RIF1: variants seen among roughly 807,000 people sequenced by gnomAD.
RIF1 encodes the protein telomere-associated protein RIF1.
A neutral mutation model predicts 247.1 loss-of-function variants in RIF1; 45 were observed. That is an observed-to-expected ratio of 0.18 (90% CI 0.14 to 0.23). RIF1 has a LOEUF of 0.23. RIF1 is among the 10% of genes least tolerant of loss of function. The pLI, the probability that RIF1 is intolerant of heterozygous loss-of-function variation, is 1.00. For synonymous variants in RIF1, 1,087 were observed against 978.8 expected (o/e 1.11, Z -2.06); for missense variants, 2,967 against 2,862.5 (o/e 1.04, Z -0.83).
the RIF1 span, chr2:151,533,509 T>G: frequency 6.4e-7 from 1 of 1,551,518 alleles, no homozygotes; most frequent in South Asian, 1.2e-5. Context: ...ATTACATCCA[T>G]GTTGCAGAAA....
Position 151,443,550 on chromosome 2 carries a change from A to G in RIF1, c.1827A>G (p.Ser609=). 2 of 1,580,484 alleles carry G rather than the reference A, an allele frequency of 1.3e-6. No individual in the cohort carries two copies. The highest frequency in any genetic ancestry group is 2.3e-5 in the East Asian group (1 of 44,310). The change falls in exon 18 of 36, where the codon TCA becomes TCG. Residue 609 remains serine, a synonymous_variant. Coordinates refer to ENST00000444746, the MANE Select transcript of RIF1 (RefSeq NM_018151.5). ...SDERFFLSLE[S]LVGCVLSGPT... ...TCAGGTTCTTTCTCAGTTTGGAATC[A>G]CTTGTAGGCTGTGTTCTTTCTGGTC...
At chr2:151,488,232 C>G (rs982493374) in intron 9 of RIF1, among the ~76,000 whole-genome samples, 2 of 151,994 alleles carry the variant, frequency 1.3e-5, no homozygotes, top group Admixed American at 1.3e-4. Flanking sequence ...TGTTTTCTCC[C>G]AGTCTGACAT....
downstream of RIF1, chr2:151,512,668 A>G (rs2153270200): frequency 8.8e-7 from 1 of 1,142,260 alleles, no homozygotes; most frequent in East Asian, 2.4e-5. Flanking sequence ...GGTATTTATT[A>G]ATGGAAGGAC....
chr2:151,463,662 A>G lies in RIF1; in HGVS notation c.4142A>G (p.Asn1381Ser). The G allele has an allele frequency of 1.9e-6, 3 of 1,613,970 alleles. No homozygotes were observed. The highest frequency in any genetic ancestry group is 8.5e-7 in the Non-Finnish European group (1 of 1,179,936). ...GTAGAGGAGAAAAATGTAGAAATTA[A>G]TTTGGAATCCAAAGAGAATACACCC... ...NTVEEKNVEI[N>S]LESKENTPPV... The change falls in exon 30 of 36, where the codon AAT (asparagine) becomes AGT (serine). Residue 1381 changes from asparagine (N) to serine (S), a missense_variant. Asn to Ser is a conservative substitution (Grantham distance 46). Coordinates refer to ENST00000444746, the MANE Select transcript of RIF1 (RefSeq NM_018151.5).
At chr2:151,494,076 T>G (rs2058530355) in intron 9 of RIF1, 1 of 1,204,742 alleles carries the variant, frequency 8.3e-7, no homozygotes, top group Non-Finnish European at 1.2e-6. Context: ...TTGTTTGTTT[T>G]TAACCTGGGA....
rs1193545146 is a variant in RIF1, at chr2:151,465,965, A to G, written c.6445A>G (p.Arg2149Gly). 4.3e-6 allele frequency: 7 copies of G among 1,614,042 alleles called. No individual in the cohort carries two copies. The highest frequency in any genetic ancestry group is 5.9e-6 in the Non-Finnish European group (7 of 1,179,986). ...EDNNASPQKL[R>G]ELDPSLVSAN... Reference sequence around the variant, plus strand: ...CAATAATGCATCTCCTCAAAAACTAAGGGAACTTGATCCTTCACTTGTGTC... The same window carrying G: ...CAATAATGCATCTCCTCAAAAACTAGGGGAACTTGATCCTTCACTTGTGTC... The change falls in exon 30 of 36, where the codon AGG becomes GGG. Residue 2149 changes from arginine (R) to glycine (G), a missense_variant. Physicochemically the swap from Arg to Gly is moderately radical, Grantham distance 125 (BLOSUM62 -2). Around this residue, in one of 7 missense-constraint regions of RIF1, gnomAD observed 2,028 missense variants for 1,825.6 expected, o/e 1.11. Transcript: ENST00000444746.
chr2:151,526,968 C>T, the RIF1 span: 1 of 1,604,752 alleles, frequency 6.2e-7, no homozygotes, highest in Non-Finnish European at 8.5e-7. Flanking sequence ...TTTTTGTCAT[C>T]AGTGACAGAA....
rs116753297 is a variant in RIF1, at chr2:151,460,226, G to A, written c.3075+107G>A. On this transcript the variant is annotated intron_variant, in intron 26 of 35. Transcript: ENST00000444746. ...AACTATAAAAGACTAAATAAAGGTT[G>A]GGATTGCAGGGGAATTGAGGGCATT... 0.022 allele frequency: 19,381 copies of A among 870,188 alleles called. 240 individuals carry two copies. The highest frequency in any genetic ancestry group is 0.04 in the African/African-American group (2,270 of 56,392). The allele number at this position is 870,188 out of a possible 1,614,324, so 53.9% of individuals were successfully genotyped here.
downstream of RIF1, among the ~76,000 whole-genome samples, chr2:151,508,743 G>GCTGA (rs781186746): frequency 1.3e-5 from 2 of 152,226 alleles, no homozygotes; most frequent in Non-Finnish European, 2.9e-5. Flanking sequence ...ACTAAGGCCA[G>GCTGA]CTGACTGGCC....
At chr2:151,471,054 C>G (rs996769780) in intron 34 of RIF1, among the ~76,000 whole-genome samples, 3 of 151,980 alleles carry the variant, frequency 2.0e-5, no homozygotes, top group African/African-American at 7.3e-5. Flanking sequence ...AGAAGAAACA[C>G]TGACCCATTA....
chr2:151,451,901 C>G (rs1198668804), intron 21 of RIF1, among the ~76,000 whole-genome samples, 196 bp downstream of exon 21: 1 of 152,076 alleles, frequency 6.6e-6, no homozygotes, highest in Non-Finnish European at 1.5e-5. Context: ...TGCTCTGTAT[C>G]ATTCTCTTAT....
rs934994209 is a variant in RIF1 at position 151,468,835 on chromosome 2, C to A, written c.6941+79C>A. On this transcript the variant is annotated intron_variant, in intron 33 of 35. Coordinates refer to ENST00000444746, the MANE Select transcript of RIF1 (RefSeq NM_018151.5). ...AGGACTTATCTGATTGCTTGGTTCT[C>A]ATGTTTAGAATTGATTGGCATGTAC... 16 of 1,032,152 alleles carry A rather than the reference C, an allele frequency of 1.6e-5. No individual in the cohort carries two copies. The Admixed American group carries it at 2.2e-4, about 14-fold the overall frequency. 63.9% of individuals were successfully genotyped at this position (1,032,152 alleles called of 1,614,324 possible).
intron 13 of RIF1, among the ~76,000 whole-genome samples, chr2:151,438,287 T>C (rs574388497): frequency 1.3e-5 from 2 of 152,194 alleles, no homozygotes; most frequent in South Asian, 2.1e-4. Flanking sequence ...GTGACCAGCC[T>C]AGGAAATGTA....
intron 9 of RIF1, among the ~76,000 whole-genome samples, chr2:151,488,541 G>T (rs540906577): frequency 6.9e-4 from 105 of 151,840 alleles, no homozygotes; most frequent in Admixed American, 1.4e-3. Context: ...AGCTATTCTG[G>T]TGGCTGAGGC....
intron 19 of RIF1, among the ~76,000 whole-genome samples, chr2:151,445,692 A>T (rs2152406273): frequency 6.6e-6 from 1 of 150,796 alleles, no homozygotes; most frequent in South Asian, 2.1e-4. Context: ...GGATTACAGG[A>T]CCATGCCACT....
In RIF1 at chr2:151,479,054, T is replaced by A. The variant is rs1260606202; in HGVS notation, c.*3983T>A. 1.3e-5 allele frequency: 2 copies of A among 152,186 alleles called. No individual in the cohort carries two copies. The highest frequency in any genetic ancestry group is 2.9e-5 in the Non-Finnish European group (2 of 68,028). The allele number at this position is 152,186 out of a possible 1,614,324, so 9.4% of individuals were successfully genotyped here. A position where few individuals can be genotyped will look rare whatever the true frequency, so the allele number is the denominator to read the frequency against. Reference sequence around the variant, plus strand: ...AACAAGTGGATTCTGATTCAGTAGATCTGCATTGGGCCCCGTGAGTCTTTT... The same window carrying A: ...AACAAGTGGATTCTGATTCAGTAGAACTGCATTGGGCCCCGTGAGTCTTTT... On this transcript the variant is annotated 3_prime_UTR_variant, in exon 36 of 36. Coordinates refer to ENST00000444746, the MANE Select transcript of RIF1 (RefSeq NM_018151.5).
At chr2:151,462,715 C>T (rs1201536726) in intron 29 of RIF1, among the ~76,000 whole-genome samples, 169 bp from the exon 30 acceptor site, 2 of 152,064 alleles carry the variant, frequency 1.3e-5, no homozygotes, top group Non-Finnish European at 2.9e-5. Flanking sequence ...CAATTAGGAA[C>T]ACAAACTGTT....
At chr2:151,489,928 A>G (rs2054818404) in intron 9 of RIF1, 4 of 1,462,146 alleles carry the variant, frequency 2.7e-6, no homozygotes, top group Non-Finnish European at 3.8e-6. Flanking sequence ...GCACATATCA[A>G]AAATTAAGAA....
At chr2:151,533,428 C>T in the RIF1 span, 1 of 1,520,256 alleles carries the variant, frequency 6.6e-7, no homozygotes, top group South Asian at 1.2e-5. Flanking sequence ...TCTTCACATC[C>T]CATCAGACAT....
Sources: gnomAD v4.1 joint callset for allele counts (sites outside exome capture counted in the v4.1 genomes callset) on GRCh38, gnomAD v4.1.1 for gene constraint, gnomAD v4.1.1 regional missense constraint, MANE v1.5 for transcripts, NCBI Gene and HGNC (gene_info 2026-07-23, HGNC 2026-07-21) for gene names.